The following ODF2L variants were observed in gnomAD, a reference collection of about 807,000 sequenced individuals.
The protein encoded by ODF2L is outer dense fiber of sperm tails 2 like, also known as protein BCAP.
Under a neutral mutation model 86.3 loss-of-function variants are expected in ODF2L, and 76 were observed. The ratio of observed to expected loss-of-function variants is 0.88; its 90% CI spans 0.73 to 1.07. ODF2L has a LOEUF of 1.07. Among genes scored for constraint, ODF2L ranks in the 50% least tolerant of loss-of-function variants. ODF2L has a pLI of 0.00. For missense variants in ODF2L, 748 were observed against 717.4 expected (o/e 1.04, Z -0.49); for synonymous variants, 241 against 231.3 (o/e 1.04, Z -0.38).
intron 4 of ODF2L, among the ~76,000 whole-genome samples, chr1:86,383,476 T>C (rs1226132084): frequency 1.3e-5 from 2 of 151,724 alleles, no homozygotes; most frequent in Non-Finnish European, 3.0e-5. Context: ...AAAAGAAGTT[T>C]GTATAGAGTT....
intron 4 of ODF2L, among the ~76,000 whole-genome samples, chr1:86,383,727 T>C (rs1266955836): frequency 3.3e-5 from 5 of 151,740 alleles, no homozygotes; most frequent in Non-Finnish European, 7.4e-5. Context: ...TATATGTACA[T>C]ATAATGCAAA....
At chr1:86,351,749 G>C (rs1405308574) in exon 18 of ODF2L, 1 of 229,508 alleles carries the variant, frequency 4.4e-6, no homozygotes, top group African/African-American at 2.3e-5. Context: ...CCATTTGTTT[G>C]TGTCCTCTCT....
Position 86,386,909 on chromosome 1 carries a change from G to A in ODF2L, c.113+6C>T. 7.1e-7 allele frequency: 1 copy of A among 1,413,978 alleles called. No individual in the cohort carries two copies. The allele number at this position is 1,413,978 out of a possible 1,614,324, so 87.6% of individuals were successfully genotyped here. A position where few individuals can be genotyped will look rare whatever the true frequency, so the allele number is the denominator to read the frequency against. ...TTTAGATTTCCCCTGATACTGATGAGAATACCAGCTGAGATGACTTTCACT... is the reference window on the plus strand; with the variant it reads ...TTTAGATTTCCCCTGATACTGATGAAAATACCAGCTGAGATGACTTTCACT... On this transcript the variant is annotated splice_donor_region_variant and intron_variant, in intron 2 of 17. Coordinates refer to ENST00000317336, the Ensembl canonical transcript of ODF2L.
chr1:86,350,655 T>C (rs1408989402), exon 18 of ODF2L: 1 of 152,248 alleles, frequency 6.6e-6, no homozygotes, highest in Non-Finnish European at 1.5e-5. Flanking sequence ...TTTCTGGTTC[T>C]AGATCCTTGA....
At chr1:86,379,249 A>G (rs1031560503) in intron 7 of ODF2L, among the ~76,000 whole-genome samples, 4 of 152,190 alleles carry the variant, frequency 2.6e-5, no homozygotes, top group Non-Finnish European at 5.9e-5. Context: ...GGCATTTATA[A>G]CAATGTTAAA....
intron 11 of ODF2L, among the ~76,000 whole-genome samples, chr1:86,368,156 T>C (rs538488237): frequency 6.6e-6 from 1 of 152,296 alleles, no homozygotes; most frequent in South Asian, 2.1e-4. Context: ...TTCTCTTTGA[T>C]CATGAGCCCT....
At chr1:86,393,805 C>T (rs867471258) in intron 1 of ODF2L, among the ~76,000 whole-genome samples, 1 of 152,180 alleles carries the variant, frequency 6.6e-6, no homozygotes, top group African/African-American at 2.4e-5. Context: ...ACAAATAATA[C>T]GCATCACTCT....
exon 17 of ODF2L, chr1:86,352,859 A>G: frequency 6.6e-7 from 1 of 1,510,892 alleles, no homozygotes; most frequent in South Asian, 1.2e-5. Flanking sequence ...TAATACTTAC[A>G]CTGTTCATTT....
At chr1:86,372,504 C>A in exon 9 of ODF2L, 1 of 1,527,428 alleles carries the variant, frequency 6.5e-7, no homozygotes, top group Non-Finnish European at 8.8e-7. Flanking sequence ...CTTTTCCAGG[C>A]ATTGGAAGCT....
chr1:86,388,907 G>A (rs996061969), intron 1 of ODF2L, among the ~76,000 whole-genome samples: 1 of 151,942 alleles, frequency 6.6e-6, no homozygotes, highest in African/African-American at 2.4e-5. Context: ...TTCTAAAATG[G>A]AATCTACATT....
At chr1:86,394,957 C>T (rs1475734500) in intron 1 of ODF2L, among the ~76,000 whole-genome samples, 3 of 151,770 alleles carry the variant, frequency 2.0e-5, no homozygotes, top group Non-Finnish European at 2.9e-5. Context: ...TCTCCTGCCT[C>T]AGCCTCCCGA....
chr1:86,395,001 C>T (rs1018953059), intron 1 of ODF2L, among the ~76,000 whole-genome samples: 3 of 152,010 alleles, frequency 2.0e-5, no homozygotes, highest in Non-Finnish European at 4.4e-5. Context: ...CCACCACGCC[C>T]GGATAACTTT....
chr1:86,370,417 A>G (rs1659713438), intron 10 of ODF2L, among the ~76,000 whole-genome samples: 1 of 152,062 alleles, frequency 6.6e-6, no homozygotes, highest in African/African-American at 2.4e-5. Flanking sequence ...GTGCACATAA[A>G]CTTTATTTCA....
intron 10 of ODF2L, among the ~76,000 whole-genome samples, chr1:86,370,638 T>A (rs556223881): frequency 3.3e-5 from 5 of 152,230 alleles, no homozygotes; most frequent in East Asian, 1.9e-4. Context: ...ACCCCTTGGA[T>A]ATGAGTAAGT....
At chr1:86,356,391 T>A in intron 14 of ODF2L, 53 bp downstream of exon 13, 10 of 1,493,148 alleles carry the variant, frequency 6.7e-6, no homozygotes, top group Admixed American at 1.9e-5. Flanking sequence ...GTGAAATCAT[T>A]CCAAAGCATT....
intron 11 of ODF2L, among the ~76,000 whole-genome samples, chr1:86,362,279 T>C (rs969726619): frequency 2.6e-5 from 4 of 151,984 alleles, no homozygotes; most frequent in African/African-American, 9.7e-5. Flanking sequence ...AAATTTTTTT[T>C]TTTTTTACTT....
intron 1 of ODF2L, among the ~76,000 whole-genome samples, chr1:86,394,639 A>C (rs1349690022): frequency 3.3e-5 from 5 of 152,104 alleles, no homozygotes; most frequent in African/African-American, 1.2e-4. Context: ...CAGATCACTA[A>C]ATTCCATTGT....
At chr1:86,356,576 C>T (rs1558008419) in exon 14 of ODF2L, 2 of 1,613,886 alleles carry the variant, frequency 1.2e-6, no homozygotes. Context: ...CTAACTCCTT[C>T]AGATGAGACT....
At chr1:86,354,432 C>T (rs1217635679) in intron 16 of ODF2L, 98 bp downstream of exon 15, 12 of 754,072 alleles carry the variant, frequency 1.6e-5, no homozygotes, top group Non-Finnish European at 2.4e-5. Flanking sequence ...TTCACCCTGT[C>T]ATCAGGACAA....
Sources: gnomAD v4.1 joint callset for allele counts (sites outside exome capture counted in the v4.1 genomes callset) on GRCh38, gnomAD v4.1.1 for gene constraint, MANE v1.5 for transcripts, NCBI Gene and HGNC (gene_info 2026-07-23, HGNC 2026-07-21) for gene names.